Variants in DGKB observed in about 807,000 individuals in gnomAD.
DGKB encodes 90 kDa diacylglycerol kinase.
DGKB carries 67 observed loss-of-function variants against 114.3 expected under a neutral mutation model. The observed-to-expected ratio is 0.59, with a 90% CI of 0.48 to 0.72. The LOEUF is 0.72. Among genes scored for constraint, DGKB ranks in the 30% least tolerant of loss-of-function variants. DGKB has a pLI of 0.00. For missense variants in DGKB, 907 were observed against 975.2 expected, an observed-to-expected ratio of 0.93 and a Z score of 0.93; for synonymous variants, 398 against 323.1, an observed-to-expected ratio of 1.23 and a Z score of -2.49.
At chr7:14,551,370 G>T (rs908955322) in intron 20 of DGKB, among the ~76,000 whole-genome samples, 3 of 152,192 alleles carry the variant, frequency 2.0e-5, no homozygotes, top group Admixed American at 6.5e-5. Context: ...TTTTTACACA[G>T]CATGTGATAC....
intron 1 of DGKB, among the ~76,000 whole-genome samples, chr7:14,958,564 T>C (rs1786657275): frequency 6.6e-6 from 1 of 151,988 alleles, no homozygotes; most frequent in Non-Finnish European, 1.5e-5. Flanking sequence ...TTCCTTTAAT[T>C]ATTGGCTTTA....
intron 8 of DGKB, among the ~76,000 whole-genome samples, chr7:14,695,438 G>C (rs1823648846): frequency 6.9e-6 from 1 of 145,618 alleles, no homozygotes; most frequent in Non-Finnish European, 1.5e-5. Flanking sequence ...GGACGCTCCA[G>C]TCTTCCCTAC....
At chr7:14,497,876 G>GA (rs1434497002) in intron 20 of DGKB, among the ~76,000 whole-genome samples, 1 of 151,668 alleles carries the variant, frequency 6.6e-6, no homozygotes, top group Non-Finnish European at 1.5e-5. Flanking sequence ...ACTGAATATT[G>GA]AAAAAAATTC....
chr7:14,920,652 C>G (rs957755931), intron 1 of DGKB, among the ~76,000 whole-genome samples: 1 of 152,104 alleles, frequency 6.6e-6, no homozygotes, highest in South Asian at 2.1e-4. Flanking sequence ...TAAGTATATA[C>G]CCAACTGAGT....
rs79642933 is a variant in DGKB, at chr7:14,645,780, C to G, written c.1135-15512G>C. ...AAATAAAGAGTAAAGTTTTCTCAGA[C>G]AAGCAAAAACTGAGGGAATTCATCA... On this transcript the variant is annotated intron_variant, in intron 13 of 25. Coordinates refer to ENST00000402815, the MANE Select transcript of DGKB (RefSeq NM_001350709.2). Among the ~76,000 whole-genome samples the G allele has an allele frequency of 4.6e-3, 690 of 151,620 alleles. 6 individuals carry two copies. Among genetic ancestry groups the G allele is most frequent in the African/African-American group, 0.015 (638 of 41,358 alleles).
chr7:14,319,248 T>C (rs1027115726), intron 23 of DGKB, among the ~76,000 whole-genome samples: 1 of 150,400 alleles, frequency 6.6e-6, no homozygotes, highest in Non-Finnish European at 1.5e-5. Context: ...GTAACTAACC[T>C]GCACAATGTG....
In DGKB at chr7:14,708,717, G is replaced by T. The variant is rs1177290238; in HGVS notation, c.467-6987C>A. ...CTGAGAAAAACAAGAAATGGGGAAA[G>T]GATTCCCTATTTAATAAATGGTGCT... On this transcript the variant is annotated intron_variant, in intron 6 of 25. Transcript: ENST00000402815. 2.6e-5 allele frequency among the ~76,000 whole-genome samples: 4 copies of T among 151,308 alleles called. 1 individual carries two copies. The South Asian group carries it at 6.3e-4, about 24-fold the overall frequency.
intron 2 of DGKB, among the ~76,000 whole-genome samples, chr7:14,760,496 A>T (rs1835529209): frequency 2.0e-5 from 3 of 152,086 alleles, no homozygotes; most frequent in Admixed American, 6.6e-5. Flanking sequence ...CTGACCCCTT[A>T]TTCTCAAATT....
At chr7:14,408,011 A>T (rs894512739) in intron 21 of DGKB, among the ~76,000 whole-genome samples, 9 of 152,112 alleles carry the variant, frequency 5.9e-5, no homozygotes, top group African/African-American at 2.2e-4. Context: ...CATAAATAGC[A>T]GGTTGTGGGG....
intron 15 of DGKB, among the ~76,000 whole-genome samples, chr7:14,620,344 T>C (rs1196699876): frequency 2.0e-5 from 3 of 151,350 alleles, no homozygotes; most frequent in Admixed American, 2.0e-4. Flanking sequence ...CAATATTTAA[T>C]AAATTATTAT....
intron 1 of DGKB, among the ~76,000 whole-genome samples, chr7:14,849,041 GT>G (rs1208385482): frequency 4.6e-5 from 7 of 151,876 alleles, no homozygotes; most frequent in South Asian, 2.1e-4. Flanking sequence ...ATTGGTGTTT[GT>G]TTCCTAGTGA....
At chr7:14,550,983 G>A (rs1190402822) in intron 20 of DGKB, among the ~76,000 whole-genome samples, 2 of 152,064 alleles carry the variant, frequency 1.3e-5, no homozygotes, top group African/African-American at 4.8e-5. Context: ...AATTTCTTTG[G>A]TTAAAATATT....
At chr7:14,613,879 C>G (rs1806048231) in intron 15 of DGKB, among the ~76,000 whole-genome samples, 1 of 152,090 alleles carries the variant, frequency 6.6e-6, no homozygotes, top group Non-Finnish European at 1.5e-5. Flanking sequence ...TCCCAACCAC[C>G]TGTGAACTGG....
At chr7:14,763,601 T>C (rs1030461881) in intron 2 of DGKB, among the ~76,000 whole-genome samples, 2 of 152,040 alleles carry the variant, frequency 1.3e-5, no homozygotes, top group African/African-American at 4.8e-5. Context: ...AAGTTTATAA[T>C]TTGGCTTAGG....
chr7:14,388,036 C>T (rs534190100), intron 21 of DGKB, among the ~76,000 whole-genome samples: 21 of 151,738 alleles, frequency 1.4e-4, no homozygotes, highest in Non-Finnish European at 2.7e-4. Flanking sequence ...CCTGCCACTG[C>T]GCCCGGCTAA....
At chr7:14,232,072 G>A (rs1309647950) in intron 23 of DGKB, among the ~76,000 whole-genome samples, 3 of 151,918 alleles carry the variant, frequency 2.0e-5, no homozygotes, top group Admixed American at 6.6e-5. Context: ...ACCACTTCCG[G>A]TTGCTTTTAT....
At chr7:14,436,191 G>A (rs547650554) in intron 21 of DGKB, among the ~76,000 whole-genome samples, 1 of 152,230 alleles carries the variant, frequency 6.6e-6, no homozygotes, top group Admixed American at 6.5e-5. Flanking sequence ...CATTTAAAAT[G>A]TTGTTAATAC....
chr7:14,275,478 T>C (rs1798863640), intron 23 of DGKB, among the ~76,000 whole-genome samples: 1 of 152,184 alleles, frequency 6.6e-6, no homozygotes, highest in Non-Finnish European at 1.5e-5. Context: ...TTTTTCCTTC[T>C]AATAGCTTTT....
At chr7:14,527,242 A>G (rs540278250) in intron 20 of DGKB, among the ~76,000 whole-genome samples, 21 of 152,272 alleles carry the variant, frequency 1.4e-4, no homozygotes, top group African/African-American at 5.1e-4. Flanking sequence ...CATTAGTCCA[A>G]TGACAGATAA....
Sources: allele counts gnomAD v4.1 joint callset (sites outside exome capture counted in the v4.1 genomes callset), GRCh38; gene constraint gnomAD v4.1.1; transcripts MANE v1.5; gene names NCBI Gene and HGNC (gene_info 2026-07-23, HGNC 2026-07-21).